The following ASXL2 variants were observed in gnomAD, a reference collection of about 807,000 sequenced individuals.
ASXL2 encodes the protein putative Polycomb group protein ASXL2.
A neutral mutation model predicts 122.0 loss-of-function variants in ASXL2; 23 were observed. The observed-to-expected ratio is 0.19, with a 90% confidence interval of 0.14 to 0.27. The LOEUF is 0.27. Ranked by LOEUF, ASXL2 falls within the 10% of genes least tolerant of loss-of-function variation. The pLI is 1.00. For missense variants in ASXL2, 1,518 were observed against 1,713.8 expected, an observed-to-expected ratio of 0.89 and a Z score of 2.02; for synonymous variants, 650 against 637.0, an observed-to-expected ratio of 1.02 and a Z score of -0.31.
chr2:25,857,015 G>T (rs1024288598), intron 1 of ASXL2: 29 of 180,180 alleles, frequency 1.6e-4, no homozygotes, highest in African/African-American at 7.8e-4. Flanking sequence ...TTCATCACAT[G>T]TCTAATTTTT....
intron 2 of ASXL2, 173 bp downstream of exon 2, chr2:25,845,308 T>G: frequency 8.8e-7 from 1 of 1,134,314 alleles, no homozygotes; most frequent in Non-Finnish European, 1.3e-6. Flanking sequence ...TTTAAAACTT[T>G]CTGGTTTTAA....
intron 5 of ASXL2, among the ~76,000 whole-genome samples, chr2:25,776,581 T>C (rs1227128822): frequency 2.0e-5 from 3 of 152,358 alleles, no homozygotes; most frequent in Non-Finnish European, 4.4e-5. Flanking sequence ...GCCAAGCTGT[T>C]TTCCAAAATG....
At chr2:25,750,617 C>A (rs940792169) in intron 11 of ASXL2, among the ~76,000 whole-genome samples, 1 of 152,116 alleles carries the variant, frequency 6.6e-6, no homozygotes, top group African/African-American at 2.4e-5. Flanking sequence ...TACCTACCGT[C>A]CGTGTGATAT....
chr2:25,744,445 A>C lies in ASXL2; in HGVS notation c.1892T>G (p.Phe631Cys). The change falls in exon 13 of 13, where the codon TTT (phenylalanine) becomes TGT (cysteine). Residue 631 changes from phenylalanine to cysteine, a missense_variant. Coordinates refer to ENST00000435504, the MANE Select transcript of ASXL2 (RefSeq NM_018263.6). The surrounding 1 kb of genome is among the most constrained non-coding windows in gnomAD (Gnocchi z 4.7). ...IPVSRISPMP[F>C]HPSQVSPRAR... is the part of the protein sequence containing the mutation. ...CCTGGGAGAGACCTGCGATGGATGA[A>C]ACGGCATGGGGGAGATTCTGGAGAC... is the stretch of plus-strand genomic sequence containing the variant. 6.2e-7 allele frequency: 1 copy of C among 1,610,806 alleles called. No individual in the cohort carries two copies. Among genetic ancestry groups the C allele is most frequent in the East Asian group, 2.2e-5 (1 of 44,862 alleles).
chr2:25,788,919 A>AT (rs2088789383), intron 5 of ASXL2, among the ~76,000 whole-genome samples: 1 of 151,978 alleles, frequency 6.6e-6, no homozygotes, highest in Admixed American at 6.6e-5. Flanking sequence ...TGTACCCAGT[A>AT]TGTTTTTTTC....
chr2:25,771,531 G>A lies in ASXL2; in HGVS notation c.413C>T (p.Ser138Phe), dbSNP rs778876791. ...KSRWKRKVSS[S>F]SPQSGCPSPT... ...TGATGGGCAGCCTGACTGCGGGGAG[G>A]ACGACGATACTAGGGAAAAAAAAGT... The change falls in exon 6 of 13, where the codon TCC becomes TTC. Residue 138 changes from serine to phenylalanine, a missense_variant. Around this residue, in one of 8 missense-constraint regions of ASXL2, gnomAD observed 198 missense variants for 209.0 expected, o/e 0.95. Coordinates refer to ENST00000435504, the MANE Select transcript of ASXL2 (RefSeq NM_018263.6). 6.2e-7 allele frequency: 1 copy of A among 1,609,486 alleles called. No individual in the cohort carries two copies. Among genetic ancestry groups the A allele is most frequent in the South Asian group, 1.1e-5 (1 of 90,754 alleles).
chr2:25,813,852 C>T (rs1249627529), intron 3 of ASXL2, among the ~76,000 whole-genome samples: 1 of 152,140 alleles, frequency 6.6e-6, no homozygotes, highest in Non-Finnish European at 1.5e-5. Flanking sequence ...AGATCGAGAC[C>T]ATCCTGGCTA....
At chr2:25,861,249 CACAA>C (rs527848803) in intron 1 of ASXL2, among the ~76,000 whole-genome samples, 167 of 152,146 alleles carry the variant, frequency 1.1e-3, no homozygotes, top group African/African-American at 3.8e-3. Context: ...AGAGAGAAGA[CACAA>C]ACAAATTAGT....
intron 2 of ASXL2, among the ~76,000 whole-genome samples, chr2:25,839,900 T>C (rs1285875003): frequency 2.6e-5 from 4 of 151,482 alleles, no homozygotes; most frequent in Non-Finnish European, 5.9e-5. Context: ...TTTTTTTTTT[T>C]TTCTTTTTTT....
intron 11 of ASXL2, 132 bp from the exon 12 acceptor site, chr2:25,750,545 T>C: frequency 1.3e-6 from 1 of 793,628 alleles, no homozygotes. Flanking sequence ...TGTATTATCT[T>C]CACTATTAGT....
rs554542042 is a variant in ASXL2, at chr2:25,861,412, A to G, written c.58-15849T>C. ...AGACACAATCTGACAAAACTCACACAAGAAAAAACAGATAATCTGAATAGG... is the reference window on the plus strand; with the variant it reads ...AGACACAATCTGACAAAACTCACACGAGAAAAAACAGATAATCTGAATAGG... On this transcript the variant is annotated intron_variant, in intron 1 of 12. Transcript: ENST00000435504. Among the ~76,000 whole-genome samples, 7 of 152,374 alleles carry G rather than the reference A, an allele frequency of 4.6e-5. No individual in the cohort carries two copies. In the East Asian group the frequency reaches 1.3e-3, roughly 29 times the overall value.
intron 2 of ASXL2, among the ~76,000 whole-genome samples, chr2:25,843,301 CA>C (rs35388163): frequency 0.043 from 4,024 of 93,002 alleles, 58 homozygotes; most frequent in Middle Eastern, 0.14. Context: ...GACTTCGTCT[CA>C]AAAAAAAAAA....
intron 1 of ASXL2, among the ~76,000 whole-genome samples, chr2:25,851,552 G>A (rs2089715726): frequency 6.6e-6 from 1 of 151,982 alleles, no homozygotes; most frequent in South Asian, 2.1e-4. Context: ...TAACTGACTG[G>A]TCTTTTCTAT....
In ASXL2 at chr2:25,740,206, A is replaced by C. The variant is rs758684372; in HGVS notation, c.*1823T>G. The C allele has an allele frequency of 4.8e-6, 1 of 208,098 alleles. No individual in the cohort carries two copies. The highest frequency in any genetic ancestry group is 9.8e-6 in the Non-Finnish European group (1 of 102,250). The allele number at this position is 208,098 out of a possible 1,614,324, so 12.9% of individuals were successfully genotyped here. ...AAGCCAGAAGTGAAAAGTGAAAAAC[A>C]GTGAAGTGAGTTTCTTACGGAGAGG... On this transcript the variant is annotated 3_prime_UTR_variant, in exon 13 of 13. Transcript: ENST00000435504.
At chr2:25,791,303 A>G (rs78139107) in intron 5 of ASXL2, among the ~76,000 whole-genome samples, 5 of 152,080 alleles carry the variant, frequency 3.3e-5, no homozygotes, top group African/African-American at 1.2e-4. Context: ...TCTGGCCAAC[A>G]TGGCAAAACC....
At chr2:25,765,458 G>C (rs1373212673) in intron 8 of ASXL2, among the ~76,000 whole-genome samples, 1 of 151,696 alleles carries the variant, frequency 6.6e-6, no homozygotes, top group Non-Finnish European at 1.5e-5. Flanking sequence ...TGCACTCCCT[G>C]GGCAACAGAG....
intron 1 of ASXL2, among the ~76,000 whole-genome samples, chr2:25,868,416 T>G (rs975173163): frequency 6.6e-6 from 1 of 152,120 alleles, no homozygotes; most frequent in African/African-American, 2.4e-5. Context: ...CACAACATAA[T>G]TTTTGCCAAA....
rs528978286 is a variant in ASXL2, at chr2:25,858,500, G to A, written c.58-12937C>T. Among the ~76,000 whole-genome samples, 6 of 151,906 alleles carry A rather than the reference G, an allele frequency of 3.9e-5. No individual in the cohort carries two copies. In the East Asian group the frequency reaches 5.8e-4, roughly 15 times the overall value. ...AGCACTTTGGGAGGCTGAGGTGGGCGGATCATGAGGTCAAGAGATGGAGAC... is the reference window on the plus strand; with the variant it reads ...AGCACTTTGGGAGGCTGAGGTGGGCAGATCATGAGGTCAAGAGATGGAGAC... On this transcript the variant is annotated intron_variant, in intron 1 of 12. Coordinates refer to ENST00000435504, the MANE Select transcript of ASXL2 (RefSeq NM_018263.6).
At position 25,742,384 on chromosome 2, in the gene ASXL2, C is replaced by T. The variant is rs781373928; in HGVS notation, c.3953G>A (p.Gly1318Glu). Residue 1318 changes from glycine (G) to glutamate (E), a missense_variant, in exon 13 of 13, where the codon GGA becomes GAA. Coordinates refer to ENST00000435504, the MANE Select transcript of ASXL2 (RefSeq NM_018263.6). ...LPPLQTPKLY[G>E]SPTQIGPSYR... ...GCTTGGCCCTATCTGGGTGGGGCTT[C>T]CATACAACTTCGGGGTTTGCAGGGG... The T allele has an allele frequency of 6.5e-7, 1 of 1,528,340 alleles. No homozygotes were observed. Among genetic ancestry groups the T allele is most frequent in the East Asian group, 2.6e-5 (1 of 38,740 alleles). 94.7% of individuals were successfully genotyped at this position (1,528,340 alleles called of 1,614,324 possible).
Sources: gnomAD v4.1 joint callset for allele counts (sites outside exome capture counted in the v4.1 genomes callset) on GRCh38, gnomAD v4.1.1 for gene constraint, gnomAD v4.1.1 regional missense constraint, Gnocchi (gnomAD v3.1) non-coding constraint, MANE v1.5 for transcripts, NCBI Gene and HGNC (gene_info 2026-07-23, HGNC 2026-07-21) for gene names.